The following PCMTD1 variants were observed in gnomAD, a reference collection of about 807,000 sequenced individuals.
PCMTD1 encodes the protein protein-L-isoaspartate (D-aspartate) O-methyltransferase domain containing 1.
In PCMTD1, 12 loss-of-function variants were observed where a neutral mutation model predicts 37.6. That is an observed-to-expected ratio of 0.32 (90% CI 0.20 to 0.52). The LOEUF (loss-of-function observed/expected upper bound fraction) is 0.52, where lower values mean the gene tolerates loss of function less well. Among genes scored for constraint, PCMTD1 ranks in the 20% least tolerant of loss-of-function variants. The probability of loss-of-function intolerance (pLI) is 0.97; values close to 1 mark genes in which losing one functional copy is unlikely to be tolerated. For synonymous variants in PCMTD1, 117 were observed against 135.8 expected (o/e 0.86, Z 0.96); for missense variants, 235 against 421.3 (o/e 0.56, Z 3.87).
At position 51,860,976 on chromosome 8, in the gene PCMTD1, C is replaced by T. The variant is rs1022363936; in HGVS notation, c.176G>A (p.Gly59Glu). 4 of 1,614,036 alleles carry T rather than the reference C, an allele frequency of 2.5e-6. No homozygotes were observed. Among genetic ancestry groups the T allele is most frequent in the Non-Finnish European group, 2.5e-6 (3 of 1,180,026 alleles). Residue 59 changes from glycine to glutamate, a missense_variant, in exon 2 of 6, where the codon GGA (glycine) becomes GAA (glutamate). Transcript: ENST00000522514. ...NAYKDLAWKH[G>E]NIHLSAPCIY... Reference sequence around the variant, plus strand: ...GCAAGGTGCTGACAAGTGGATGTTTCCATGCTTCCAGGCTAAGTCTTTGTA... The same window carrying T: ...GCAAGGTGCTGACAAGTGGATGTTTTCATGCTTCCAGGCTAAGTCTTTGTA...
chr8:51,883,805 T>C (rs893915690), intron 1 of PCMTD1, among the ~76,000 whole-genome samples: 4 of 152,216 alleles, frequency 2.6e-5, no homozygotes, highest in African/African-American at 9.6e-5. Flanking sequence ...TATTATGTTG[T>C]TGACATTTAA....
At chr8:51,880,768 C>G (rs2038779776) in intron 1 of PCMTD1, among the ~76,000 whole-genome samples, 1 of 152,172 alleles carries the variant, frequency 6.6e-6, no homozygotes, top group Middle Eastern at 3.2e-3. Context: ...TCTGAAAAGG[C>G]CAGTTAATAA....
rs553953284 is a variant in PCMTD1 at position 51,836,447 on chromosome 8, TTTC to T, written c.411-2761_411-2759del. Among the ~76,000 whole-genome samples, 368 of 151,836 alleles carry T rather than the reference TTTC, an allele frequency of 2.4e-3. 2 individuals are homozygous for T. Among genetic ancestry groups the T allele is most frequent in the Non-Finnish European group, 3.3e-3 (221 of 67,924 alleles). Reference sequence around the variant, plus strand: ...CTTAATAAAGAGTTGCTTCTAATACTTTCTTATCACAATCTTCCCTTTGAAACA... The same window carrying T: ...CTTAATAAAGAGTTGCTTCTAATACTTTATCACAATCTTCCCTTTGAAACA... On this transcript the variant is annotated intron_variant, in intron 3 of 5. Coordinates refer to ENST00000522514, the MANE Select transcript of PCMTD1 (RefSeq NM_052937.4).
chr8:51,897,874 A>C (rs1203497886), intron 1 of PCMTD1, among the ~76,000 whole-genome samples: 1 of 152,210 alleles, frequency 6.6e-6, no homozygotes, highest in African/African-American at 2.4e-5. Context: ...TTGTTGGCTA[A>C]TAAAACGATA....
chr8:51,897,405 C>G (rs917279174), intron 1 of PCMTD1, among the ~76,000 whole-genome samples: 1 of 152,076 alleles, frequency 6.6e-6, no homozygotes, highest in African/African-American at 2.4e-5. Flanking sequence ...GCTAGGGCCA[C>G]TAGCTTTCTA....
At chr8:51,849,414 G>A (rs1178936426) in intron 2 of PCMTD1, 3 of 151,868 alleles carry the variant, frequency 2.0e-5, no homozygotes, top group Admixed American at 6.6e-5. Flanking sequence ...TTTTGTATTC[G>A]CCAATGTAAA....
intron 2 of PCMTD1, among the ~76,000 whole-genome samples, chr8:51,859,601 A>G (rs2038442358): frequency 6.6e-6 from 1 of 151,824 alleles, no homozygotes; most frequent in Non-Finnish European, 1.5e-5. Context: ...TAGGGAGGAA[A>G]TTTCAGACCT....
intron 1 of PCMTD1, among the ~76,000 whole-genome samples, chr8:51,878,390 T>C (rs1322803078): frequency 6.6e-6 from 1 of 152,188 alleles, no homozygotes; most frequent in African/African-American, 2.4e-5. Context: ...TTCCTTGTGC[T>C]ATTTCTCACA....
chr8:51,857,773 G>A (rs778415869), intron 2 of PCMTD1, among the ~76,000 whole-genome samples: 32 of 152,100 alleles, frequency 2.1e-4, no homozygotes, highest in Non-Finnish European at 3.5e-4. Flanking sequence ...CACTTTCTTC[G>A]ATAAAAGTAA....
At chr8:51,822,365 G>GA (rs34939225) in intron 5 of PCMTD1, among the ~76,000 whole-genome samples, 103,147 of 150,390 alleles carry the variant, frequency 0.69, 41,705 homozygotes, top group Non-Finnish European at 0.9. Context: ...ATGAGGGAGG[G>GA]AAAAAAAAAT....
At chr8:51,824,691 A>C (rs1563334486) in intron 5 of PCMTD1, among the ~76,000 whole-genome samples, 1 of 152,208 alleles carries the variant, frequency 6.6e-6, no homozygotes, top group Non-Finnish European at 1.5e-5. Flanking sequence ...AACTGGAAAA[A>C]ACTACTTTAA....
chr8:51,886,634 C>T (rs2038868317), intron 1 of PCMTD1, among the ~76,000 whole-genome samples: 1 of 152,190 alleles, frequency 6.6e-6, no homozygotes, highest in Non-Finnish European at 1.5e-5. Flanking sequence ...TTAAACACAG[C>T]TGCACTAGTT....
intron 1 of PCMTD1, among the ~76,000 whole-genome samples, chr8:51,872,233 C>G (rs1250094367): frequency 4.0e-5 from 6 of 151,698 alleles, no homozygotes; most frequent in African/African-American, 1.5e-4. Flanking sequence ...CAACACAAGA[C>G]TTTTTCAAAC....
chr8:51,845,366 C>T, intron 3 of PCMTD1: 1 of 244,648 alleles, frequency 4.1e-6, no homozygotes, highest in Non-Finnish European at 8.0e-6. Flanking sequence ...ACAAATATTG[C>T]AATCACAGCA....
intron 2 of PCMTD1, among the ~76,000 whole-genome samples, chr8:51,848,279 C>T (rs6988122): frequency 0.51 from 76,133 of 149,080 alleles, 23,264 homozygotes; most frequent in Non-Finnish European, 0.67. Context: ...AGAGTGAGAC[C>T]GTGTCTTTAA....
At chr8:51,845,524 T>G in intron 3 of PCMTD1, 137 bp downstream of exon 3, 1 of 550,606 alleles carries the variant, frequency 1.8e-6, no homozygotes, top group Non-Finnish European at 3.2e-6. Flanking sequence ...AATCTTAACT[T>G]TTTCTCATTT....
At chr8:51,842,290 C>T (rs909567920) in intron 3 of PCMTD1, among the ~76,000 whole-genome samples, 1 of 152,014 alleles carries the variant, frequency 6.6e-6, no homozygotes, top group African/African-American at 2.4e-5. Context: ...AAGAATACTA[C>T]TTTCAAAACA....
At chr8:51,898,586 AGCCGAGGACGG>A (rs1253544637) in intron 1 of PCMTD1, among the ~76,000 whole-genome samples, 2 of 152,230 alleles carry the variant, frequency 1.3e-5, no homozygotes, top group East Asian at 1.9e-4. Flanking sequence ...GCCGAGGACG[AGCCGAGGACGG>A]GCCGAGGACG....
intron 5 of PCMTD1, among the ~76,000 whole-genome samples, chr8:51,827,594 C>T (rs2037939337): frequency 6.6e-6 from 1 of 152,018 alleles, no homozygotes; most frequent in Non-Finnish European, 1.5e-5. Context: ...TATTTGCAGG[C>T]CCAGGCATCC....
Sources: gnomAD v4.1 joint callset for allele counts (sites outside exome capture counted in the v4.1 genomes callset) on GRCh38, gnomAD v4.1.1 for gene constraint, MANE v1.5 for transcripts, NCBI Gene and HGNC (gene_info 2026-07-23, HGNC 2026-07-21) for gene names.